The following RBMS3 variants were observed in gnomAD, a reference collection of about 807,000 sequenced individuals.
RBMS3 encodes the protein RNA-binding motif, single-stranded-interacting protein 3.
Under a neutral mutation model 66.8 loss-of-function variants are expected in RBMS3, and 27 were observed. The observed-to-expected ratio is 0.40, with a 90% CI of 0.30 to 0.56. The LOEUF (loss-of-function observed/expected upper bound fraction) is 0.56. Among genes scored for constraint, RBMS3 ranks in the 20% least tolerant of loss-of-function variants. The probability of loss-of-function intolerance (pLI) is 0.40; values close to 1 mark genes in which losing one functional copy is unlikely to be tolerated. For synonymous variants in RBMS3, 188 were observed against 183.0 expected (o/e 1.03, Z -0.22); for missense variants, 513 against 549.5 (o/e 0.93, Z 0.66).
At chr3:29,881,762 G>GA (rs2059742162) in intron 7 of RBMS3, among the ~76,000 whole-genome samples, 1 of 152,062 alleles carries the variant, frequency 6.6e-6, no homozygotes, top group East Asian at 1.9e-4. Flanking sequence ...TAAAATGCAA[G>GA]AAAAAATTCT....
At chr3:29,499,926 C>A (rs1178387585) in intron 3 of RBMS3, among the ~76,000 whole-genome samples, 2 of 152,010 alleles carry the variant, frequency 1.3e-5, no homozygotes, top group Non-Finnish European at 2.9e-5. Context: ...TGAAAAATAA[C>A]CATATTTGAG....
intron 6 of RBMS3, among the ~76,000 whole-genome samples, chr3:29,823,908 G>GT (rs1467662099): frequency 1.3e-5 from 2 of 152,094 alleles, no homozygotes; most frequent in East Asian, 3.9e-4. Flanking sequence ...TACCAGAGGG[G>GT]TTTAGTCATG....
chr3:29,816,834 G>A (rs1038102212), intron 6 of RBMS3, among the ~76,000 whole-genome samples: 2 of 152,120 alleles, frequency 1.3e-5, no homozygotes, highest in African/African-American at 4.8e-5. Context: ...GCTCACGACT[G>A]TAATTCCAGC....
At chr3:29,600,445 C>T (rs999001161) in intron 4 of RBMS3, among the ~76,000 whole-genome samples, 2 of 152,018 alleles carry the variant, frequency 1.3e-5, no homozygotes, top group African/African-American at 4.8e-5. Context: ...AGTCTGGCTT[C>T]CCTTTGCTTT....
chr3:29,804,953 G>A (rs1202852073), intron 6 of RBMS3, among the ~76,000 whole-genome samples: 1 of 141,456 alleles, frequency 7.1e-6, no homozygotes, highest in Non-Finnish European at 1.6e-5. Context: ...GTGTGTGTGT[G>A]TGTGGCAAAA....
intron 1 of RBMS3, among the ~76,000 whole-genome samples, chr3:29,374,537 A>T (rs1409765197): frequency 2.0e-5 from 3 of 152,198 alleles, no homozygotes; most frequent in Non-Finnish European, 4.4e-5. Flanking sequence ...TCAATAAATT[A>T]CCTAAGATAT....
intron 2 of RBMS3, among the ~76,000 whole-genome samples, chr3:29,476,048 C>T (rs1193631908): frequency 3.3e-5 from 5 of 152,138 alleles, no homozygotes. Context: ...CCCCCACTGA[C>T]TCCCTGTGGA....
chr3:29,620,699 C>T (rs900413316), intron 4 of RBMS3, among the ~76,000 whole-genome samples: 33 of 151,894 alleles, frequency 2.2e-4, no homozygotes, highest in African/African-American at 8.0e-4. Context: ...AGAAATTTCA[C>T]TTACAGAGAA....
intron 4 of RBMS3, among the ~76,000 whole-genome samples, chr3:29,719,137 C>G (rs1474329067): frequency 7.4e-6 from 1 of 135,884 alleles, no homozygotes; most frequent in Non-Finnish European, 1.5e-5. Flanking sequence ...GCCTAAGACT[C>G]TCCATTTCTA....
chr3:29,785,674 G>A (rs1295335595), intron 6 of RBMS3, among the ~76,000 whole-genome samples: 1 of 151,982 alleles, frequency 6.6e-6, no homozygotes, highest in Non-Finnish European at 1.5e-5. Context: ...CAGCAAAATT[G>A]TCATAGAGGG....
intron 4 of RBMS3, among the ~76,000 whole-genome samples, chr3:29,739,412 C>T (rs964177656): frequency 2.7e-5 from 4 of 147,638 alleles, no homozygotes; most frequent in Admixed American, 6.9e-5. Context: ...GTCGAGATCG[C>T]GCCACTGCAC....
At chr3:29,717,999 AG>A in intron 4 of RBMS3, among the ~76,000 whole-genome samples, 1 of 152,280 alleles carries the variant, frequency 6.6e-6, no homozygotes, top group Admixed American at 6.5e-5. Context: ...TGGAAGTCAC[AG>A]GAGGACAATC....
At chr3:29,768,998 C>A (rs796264808) in intron 6 of RBMS3, among the ~76,000 whole-genome samples, 36 of 151,942 alleles carry the variant, frequency 2.4e-4, no homozygotes, top group African/African-American at 8.7e-4. Context: ...AAACCTTTGG[C>A]TATAAAGGAA....
intron 4 of RBMS3, among the ~76,000 whole-genome samples, chr3:29,652,459 C>T (rs1296080294): frequency 2.0e-5 from 3 of 152,060 alleles, no homozygotes. Context: ...AATTTCCATG[C>T]CTACATTTAC....
intron 6 of RBMS3, among the ~76,000 whole-genome samples, chr3:29,864,369 A>G (rs1429442170): frequency 4.6e-5 from 7 of 152,206 alleles, no homozygotes; most frequent in Non-Finnish European, 8.8e-5. Flanking sequence ...ATGAAAGCCA[A>G]ATTCTGGCAA....
At chr3:29,428,051 G>A (rs763806496) in intron 1 of RBMS3, among the ~76,000 whole-genome samples, 1 of 152,328 alleles carries the variant, frequency 6.6e-6, no homozygotes, top group South Asian at 2.1e-4. Flanking sequence ...TATGTTGGAG[G>A]GGGTGAATGC....
intron 1 of RBMS3, among the ~76,000 whole-genome samples, chr3:29,384,432 T>TAAGAAGAAGAAG (rs561847341): frequency 2.3e-3 from 224 of 99,406 alleles, no homozygotes; most frequent in African/African-American, 5.3e-3. Flanking sequence ...ATAATAATAA[T>TAAGAAGAAGAAG]AATAAGAAGA....
chr3:29,826,937 G>T (rs986973263), intron 6 of RBMS3, among the ~76,000 whole-genome samples: 13 of 152,066 alleles, frequency 8.5e-5, no homozygotes, highest in Admixed American at 6.6e-5. Flanking sequence ...ACCAAGATGG[G>T]TCACACACAC....
chr3:29,434,753 C>T lies in RBMS3; in HGVS notation c.86C>T (p.Ala29Val), dbSNP rs1432202682. Reference protein sequence around the residue: ...PHYLQTKQSYAPAPHPMAPPS... With the variant: ...PHYLQTKQSYVPAPHPMAPPS... ...TTTTTCTGTTTCCAGCAGTCCTATG[C>T]ACCAGCTCCCCACCCCATGGCTCCT... Residue 29 changes from alanine (A) to valine (V), a missense_variant, in exon 2 of 15, where the codon GCA becomes GTA. Ala to Val is a moderately conservative substitution (Grantham distance 64). Transcript: ENST00000383767. 4 of 1,613,134 alleles carry T rather than the reference C, an allele frequency of 2.5e-6. No individual in the cohort carries two copies. The African/African-American group carries it at 5.3e-5, about 22-fold the overall frequency.
Sources: gnomAD v4.1 joint callset for allele counts (sites outside exome capture counted in the v4.1 genomes callset) on GRCh38, gnomAD v4.1.1 for gene constraint, MANE v1.5 for transcripts, NCBI Gene and HGNC (gene_info 2026-07-23, HGNC 2026-07-21) for gene names.